Variants in MRPS18C observed in about 807,000 individuals in gnomAD.
MRPS18C encodes small ribosomal subunit protein bS18m.
MRPS18C carries 21 observed loss-of-function variants against 21.0 expected under a neutral mutation model. That is an observed-to-expected ratio of 1.00 (90% CI 0.71 to 1.44). The LOEUF is 1.44. Ranked by LOEUF, MRPS18C falls within the 40% of genes most tolerant of loss-of-function variation. MRPS18C has a pLI of 0.00. For synonymous variants in MRPS18C, 65 were observed against 54.3 expected, an observed-to-expected ratio of 1.20 and a Z score of -0.87; for missense variants, 152 against 171.5, an observed-to-expected ratio of 0.89 and a Z score of 0.64.
At position 83,458,351 on chromosome 4, in the gene MRPS18C, T is replaced by A. The variant is rs1280938335; in HGVS notation, c.156T>A (p.Ile52=). The A allele has an allele frequency of 6.3e-7, 1 of 1,594,690 alleles. No individual in the cohort carries two copies. The highest frequency in any genetic ancestry group is 8.6e-7 in the Non-Finnish European group (1 of 1,165,156). The part of the protein sequence containing the change: ...QQVSSNEDLP[I]SMENPYKEPL... ...CTTTTCGTTTTTTTCCCTAGCCCAT[T>A]TCAATGGAAAATCCTTATAAAGAAC... The change falls in exon 3 of 6, where the codon ATT becomes ATA. Residue 52 remains isoleucine (I), a synonymous_variant. Transcript: ENST00000295491.
At chr4:83,457,183 G>C (rs756776868) in intron 2 of MRPS18C, 2 of 408,996 alleles carry the variant, frequency 4.9e-6, no homozygotes, top group Admixed American at 4.4e-5. Flanking sequence ...GGAATTCCTA[G>C]ATTAGAAGCA....
At chr4:83,456,236 A>C in intron 1 of MRPS18C, 59 bp downstream of exon 1, 5 of 978,256 alleles carry the variant, frequency 5.1e-6, no homozygotes, top group East Asian at 3.1e-5. Context: ...CTTAGTCCTA[A>C]TGGTTAGAGT....
intron 3 of MRPS18C, 36 bp from the exon 4 acceptor site, chr4:83,459,704 A>G (rs1722005842): frequency 6.4e-6 from 10 of 1,562,366 alleles, no homozygotes; most frequent in Non-Finnish European, 8.8e-6. Flanking sequence ...AATAACAGAT[A>G]CTTTTTTTTC....
intron 2 of MRPS18C, chr4:83,458,091 T>C: frequency 2.7e-6 from 1 of 368,818 alleles, no homozygotes; most frequent in Non-Finnish European, 4.9e-6. Context: ...AGCAAAGCAT[T>C]GGAACACTTT....
At chr4:83,458,199 TA>T in intron 2 of MRPS18C, 146 bp from the exon 3 acceptor site, 1 of 592,768 alleles carries the variant, frequency 1.7e-6, no homozygotes, top group Non-Finnish European at 2.9e-6. Flanking sequence ...TAGGCTAAAC[TA>T]AAACAAAATA....
intron 1 of MRPS18C, 71 bp downstream of exon 1, chr4:83,456,248 G>A: frequency 1.6e-6 from 2 of 1,280,452 alleles, no homozygotes; most frequent in South Asian, 1.2e-5. Context: ...GGTTAGAGTC[G>A]TCCCTGTTAG....
In MRPS18C at chr4:83,461,299, T is replaced by C; in HGVS notation, c.*102T>C. On this transcript the variant is annotated 3_prime_UTR_variant, in exon 6 of 6. Coordinates refer to ENST00000295491, the MANE Select transcript of MRPS18C (RefSeq NM_016067.4). ...TTTGGATAGAAAAGTGTTTGAGGAGTGAGGTAAAGAATGACACTTCCCCTT... is the reference window on the plus strand; with the variant it reads ...TTTGGATAGAAAAGTGTTTGAGGAGCGAGGTAAAGAATGACACTTCCCCTT... The C allele has an allele frequency of 1.8e-5, 18 of 977,628 alleles. No homozygotes were observed. The South Asian group carries it at 2.3e-4, about 12-fold the overall frequency. The allele number at this position is 977,628 out of a possible 1,614,324, so 60.6% of individuals were successfully genotyped here.
chr4:83,457,158 G>C (rs1371593633), intron 2 of MRPS18C, 200 bp downstream of exon 2: 1 of 452,482 alleles, frequency 2.2e-6, no homozygotes, highest in Admixed American at 4.1e-5. Flanking sequence ...GTAGTCAGCT[G>C]AGTTTTGAAG....
intron 3 of MRPS18C, chr4:83,459,144 C>CAAAAAAAAAAAAAAAAAA (rs59202184): frequency 2.1e-5 from 1 of 48,154 alleles, no homozygotes; most frequent in African/African-American, 6.1e-5. Flanking sequence ...AAAACTCTGT[C>CAAAAAAAAAAAAAAAAAA]AAAAAAAAAA....
intron 3 of MRPS18C, 40 bp from the exon 4 acceptor site, chr4:83,459,696 TAACA>T: frequency 6.5e-7 from 1 of 1,544,134 alleles, no homozygotes; most frequent in Non-Finnish European, 8.9e-7. Context: ...CAGAAATAAA[TAACA>T]GATACTTTTT....
At chr4:83,456,337 G>A (rs1039616564) in intron 1 of MRPS18C, among the ~76,000 whole-genome samples, 160 bp downstream of exon 1, 1 of 152,168 alleles carries the variant, frequency 6.6e-6, no homozygotes, top group Non-Finnish European at 1.5e-5. Context: ...CTGTTTTAGT[G>A]TCGTCTAATC....
chr4:83,456,176 G>C lies in MRPS18C; in HGVS notation c.99G>C (p.Thr33=), dbSNP rs751459600. The C allele has an allele frequency of 1.9e-6, 3 of 1,613,328 alleles. No homozygotes were observed. The highest frequency in any genetic ancestry group is 2.5e-6 in the Non-Finnish European group (3 of 1,179,354). ...AVSLTHPGTH[T]VLWRRGCSQQ... is the part of the protein sequence containing the mutation. ...GCCTTACACATCCCGGGACTCACACGGGTAAAGTCTCCATATCCTATGCTC... is the reference window on the plus strand; with the variant it reads ...GCCTTACACATCCCGGGACTCACACCGGTAAAGTCTCCATATCCTATGCTC... The change falls in exon 1 of 6, where the codon ACG becomes ACC. Residue 33 remains threonine (T), a splice_region_variant and synonymous_variant. Transcript: ENST00000295491.
At chr4:83,458,664 A>C in intron 3 of MRPS18C, 1 of 379,980 alleles carries the variant, frequency 2.6e-6, no homozygotes, top group Non-Finnish European at 4.7e-6. Context: ...CACTACCCCA[A>C]ACATCTTAAT....
chr4:83,458,603 AAAAG>A, intron 3 of MRPS18C, 174 bp downstream of exon 3: 4 of 480,876 alleles, frequency 8.3e-6, no homozygotes, highest in South Asian at 3.1e-5. Context: ...TTATTCAAGT[AAAAG>A]CACCTTGGCT....
chr4:83,459,581 G>T, intron 3 of MRPS18C, 159 bp from the exon 4 acceptor site: 2 of 609,408 alleles, frequency 3.3e-6, no homozygotes, highest in South Asian at 4.5e-5. Flanking sequence ...TATTTAAAAG[G>T]TAACAGGAGG....
rs1250157895 is a variant in MRPS18C at position 83,461,262 on chromosome 4, C to T, written c.*65C>T. The T allele has an allele frequency of 7.3e-7, 1 of 1,367,688 alleles. No individual in the cohort carries two copies. Among genetic ancestry groups the T allele is most frequent in the Non-Finnish European group, 1.0e-6 (1 of 960,282 alleles). The allele number at this position is 1,367,688 out of a possible 1,614,324, so 84.7% of individuals were successfully genotyped here. A position where few individuals can be genotyped will look rare whatever the true frequency, so the allele number is the denominator to read the frequency against. Reference sequence around the variant, plus strand: ...AGTGGTTGTATGATGCCAATACTGACTCAAACCAACCTTTGGATAGAAAAG... The same window carrying T: ...AGTGGTTGTATGATGCCAATACTGATTCAAACCAACCTTTGGATAGAAAAG... On this transcript the variant is annotated 3_prime_UTR_variant, in exon 6 of 6. Coordinates refer to ENST00000295491, the MANE Select transcript of MRPS18C (RefSeq NM_016067.4).
chr4:83,456,270 T>C (rs1345242229), intron 1 of MRPS18C, 93 bp downstream of exon 1: 8 of 1,109,052 alleles, frequency 7.2e-6, no homozygotes, highest in Non-Finnish European at 1.1e-5. Context: ...AAAACGACTC[T>C]GGTTTCTAGG....
chr4:83,457,241 A>T, intron 2 of MRPS18C: 1 of 290,410 alleles, frequency 3.4e-6, no homozygotes, highest in Non-Finnish European at 6.3e-6. Flanking sequence ...AAATTTAAGG[A>T]TATGTGATTT....
chr4:83,456,185 C>T lies in MRPS18C; in HGVS notation c.100+8C>T, dbSNP rs193217094. The stretch of plus-strand genomic sequence containing the variant: ...ATCCCGGGACTCACACGGGTAAAGT[C>T]TCCATATCCTATGCTCCATTGTAGC... On this transcript the variant is annotated splice_region_variant and intron_variant, in intron 1 of 5. Transcript: ENST00000295491. The T allele has an allele frequency of 1.9e-4, 303 of 1,610,286 alleles. 3 individuals are homozygous for T. In the East Asian group the frequency reaches 6.1e-3, roughly 32 times the overall value.
Sources: allele counts gnomAD v4.1 joint callset (sites outside exome capture counted in the v4.1 genomes callset), GRCh38; gene constraint gnomAD v4.1.1; transcripts MANE v1.5; gene names NCBI Gene and HGNC (gene_info 2026-07-23, HGNC 2026-07-21).